BAZ1A: variants seen among roughly 807,000 people sequenced by gnomAD.
BAZ1A encodes the protein bromodomain adjacent to zinc finger domain 1A.
BAZ1A carries 50 observed loss-of-function variants against 185.2 expected under a neutral mutation model. The observed-to-expected ratio is 0.27, with a 90% CI of 0.22 to 0.34. The LOEUF is 0.34. Among genes scored for constraint, BAZ1A ranks in the 10% least tolerant of loss-of-function variants. The pLI, the probability that BAZ1A is intolerant of heterozygous loss-of-function variation, is 1.00. For missense variants in BAZ1A, 1,356 were observed against 1,839.9 expected, an observed-to-expected ratio of 0.74 and a Z score of 4.81; for synonymous variants, 571 against 615.6, an observed-to-expected ratio of 0.93 and a Z score of 1.07.
At chr14:34,783,599 T>C (rs1880198178) in intron 15 of BAZ1A, among the ~76,000 whole-genome samples, 163 bp downstream of exon 15, 1 of 152,172 alleles carries the variant, frequency 6.6e-6, no homozygotes, top group African/African-American at 2.4e-5. Flanking sequence ...AGTGCTGGGA[T>C]TGCAGGCGTG....
In BAZ1A at chr14:34,753,420, A is replaced by G. The variant is rs748301218; in HGVS notation, c.*88T>C. 6.8e-6 allele frequency: 9 copies of G among 1,326,770 alleles called. No individual in the cohort carries two copies. The highest frequency in any genetic ancestry group is 9.6e-6 in the Non-Finnish European group (9 of 942,070). The allele number at this position is 1,326,770 out of a possible 1,614,324, so 82.2% of individuals were successfully genotyped here. The stretch of plus-strand genomic sequence containing the variant: ...GGCCACACTTTCATGTGGTCAATCA[A>G]TTGTTATTGCTTTATACAGCATGAT... On this transcript the variant is annotated 3_prime_UTR_variant, in exon 27 of 27. Transcript: ENST00000360310.
In BAZ1A at chr14:34,874,188, G is replaced by T. The variant is rs375604372; in HGVS notation, c.113+304C>A. On this transcript the variant is annotated intron_variant, in intron 2 of 26. Transcript: ENST00000360310. The surrounding 1 kb of genome is among the most constrained non-coding windows in gnomAD (Gnocchi z 4.7). The stretch of plus-strand genomic sequence containing the variant: ...GGGAGGGGCGAGGCGGGGAGTTTCC[G>T]CCGCCCCGCGGCCAAGAGGGCGGGA... 1.3e-5 allele frequency among the ~76,000 whole-genome samples: 2 copies of T among 152,000 alleles called. No individual in the cohort carries two copies. The highest frequency in any genetic ancestry group is 2.9e-5 in the Non-Finnish European group (2 of 67,898).
intron 4 of BAZ1A, among the ~76,000 whole-genome samples, chr14:34,822,244 G>C (rs1225900529): frequency 6.6e-6 from 1 of 152,156 alleles, no homozygotes; most frequent in Non-Finnish European, 1.5e-5. Flanking sequence ...GCAGTGAGCT[G>C]AGATTCACCA....
chr14:34,807,175 C>T (rs905022093), intron 6 of BAZ1A, among the ~76,000 whole-genome samples: 2 of 150,862 alleles, frequency 1.3e-5, no homozygotes, highest in Admixed American at 1.3e-4. Context: ...GCTATAGTTG[C>T]CCCACCTGAT....
chr14:34,792,013 T>A (rs1228196134), intron 12 of BAZ1A, among the ~76,000 whole-genome samples: 3 of 152,222 alleles, frequency 2.0e-5, no homozygotes, highest in African/African-American at 4.8e-5. Flanking sequence ...AAATTTTATT[T>A]AACTCTGATG....
intron 21 of BAZ1A, 107 bp from the exon 22 acceptor site, chr14:34,765,375 T>C (rs934848911): frequency 6.7e-5 from 90 of 1,351,992 alleles, no homozygotes; most frequent in Non-Finnish European, 9.0e-5. Context: ...ACATTTCTTT[T>C]CTTCTGATAC....
At chr14:34,808,649 C>T (rs1043717702) in intron 5 of BAZ1A, among the ~76,000 whole-genome samples, 1 of 152,136 alleles carries the variant, frequency 6.6e-6, no homozygotes, top group East Asian at 1.9e-4. Flanking sequence ...ATTTAAATCT[C>T]ATGACAACCA....
At chr14:34,774,599 T>C in intron 18 of BAZ1A, 109 bp from the exon 19 acceptor site, 2 of 898,262 alleles carry the variant, frequency 2.2e-6, no homozygotes, top group Non-Finnish European at 1.6e-6. Context: ...GCTTTGTAAA[T>C]CCTCAAGTGC....
intron 20 of BAZ1A, among the ~76,000 whole-genome samples, chr14:34,772,541 T>C (rs1879295213): frequency 6.6e-6 from 1 of 152,164 alleles, no homozygotes; most frequent in African/African-American, 2.4e-5. Context: ...GCATATAATA[T>C]CCAAAATAAT....
In BAZ1A at chr14:34,773,648, C is replaced by A. The variant is rs774811292; in HGVS notation, c.3076G>T (p.Gly1026Trp). The A allele has an allele frequency of 6.8e-6, 11 of 1,613,384 alleles. No homozygotes were observed. The South Asian group carries it at 1.1e-4, about 16-fold the overall frequency. ...TCTTCATTCACAGTTTTAATTATCC[C>A]ATTTTCCTTGTTTTCCTCACTTAAC... is the stretch of plus-strand genomic sequence containing the variant. ...ELLSEENKEN[G>W]IIKTVNEDVE... The change falls in exon 20 of 27, where the codon GGG becomes TGG. Residue 1026 changes from glycine to tryptophan, a missense_variant. Gly to Trp is a radical substitution (Grantham distance 184). Around this residue, in one of 7 missense-constraint regions of BAZ1A, gnomAD observed 434 missense variants for 561.7 expected, o/e 0.77. Coordinates refer to ENST00000360310, the MANE Select transcript of BAZ1A (RefSeq NM_013448.3).
chr14:34,812,229 G>A (rs767742166), intron 4 of BAZ1A, among the ~76,000 whole-genome samples: 3 of 151,590 alleles, frequency 2.0e-5, no homozygotes, highest in South Asian at 2.1e-4. Context: ...GAGATCTGGG[G>A]GGGGAGGGGA....
chr14:34,832,793 T>C (rs1412245485), intron 3 of BAZ1A, among the ~76,000 whole-genome samples: 1 of 152,116 alleles, frequency 6.6e-6, no homozygotes, highest in Non-Finnish European at 1.5e-5. Context: ...AATTATCATA[T>C]AGCCCAGTAA....
At chr14:34,872,525 C>T (rs1394017398) in intron 2 of BAZ1A, among the ~76,000 whole-genome samples, 1 of 152,026 alleles carries the variant, frequency 6.6e-6, no homozygotes, top group African/African-American at 2.4e-5. Flanking sequence ...TGTTTGAGCC[C>T]ACGAGGTGGA....
chr14:34,806,693 C>T (rs1881873095), intron 6 of BAZ1A, among the ~76,000 whole-genome samples: 1 of 152,028 alleles, frequency 6.6e-6, no homozygotes. Context: ...TGGTTATAGA[C>T]AAAATATAAT....
At chr14:34,792,983 A>C in intron 11 of BAZ1A, 62 bp from the exon 12 acceptor site, 1 of 1,426,482 alleles carries the variant, frequency 7.0e-7, no homozygotes, top group Non-Finnish European at 9.5e-7. Flanking sequence ...AAACAACTCC[A>C]CTGGAATAAA....
At position 34,862,927 on chromosome 14, in the gene BAZ1A, A is replaced by C. The variant is rs191681061; in HGVS notation, c.114-605T>G. 5.3e-5 allele frequency among the ~76,000 whole-genome samples: 8 copies of C among 151,438 alleles called. No individual in the cohort carries two copies. In the East Asian group the frequency reaches 1.5e-3, roughly 29 times the overall value. ...GAACCATTCTATTCAGTGCTCTTCT[A>C]TTCTGCTGGAATTCCTTAATACGCG... On this transcript the variant is annotated intron_variant, in intron 2 of 26. Coordinates refer to ENST00000360310, the MANE Select transcript of BAZ1A (RefSeq NM_013448.3).
At chr14:34,867,265 A>T (rs1244867750) in intron 2 of BAZ1A, among the ~76,000 whole-genome samples, 1 of 152,182 alleles carries the variant, frequency 6.6e-6, no homozygotes, top group Non-Finnish European at 1.5e-5. Context: ...TCTCAAACAA[A>T]AAAAAGAAAA....
chr14:34,866,327 C>T (rs569534044), intron 2 of BAZ1A, among the ~76,000 whole-genome samples: 21 of 150,392 alleles, frequency 1.4e-4, no homozygotes, highest in Non-Finnish European at 3.0e-4. Context: ...CTACTAAAAA[C>T]GGAAAAATTA....
chr14:34,754,914 C>A lies in BAZ1A; in HGVS notation c.4387G>T (p.Val1463Phe). 6.3e-7 allele frequency: 1 copy of A among 1,575,660 alleles called. No individual in the cohort carries two copies. Among genetic ancestry groups the A allele is most frequent in the Non-Finnish European group, 8.6e-7 (1 of 1,164,520 alleles). ...TTGATGATGTCATAGTAGTCTGGGA[C>A]CTGTAAAATAATTCAAATATCTCTG... ...PFLKLVSKIQ[V>F]PDYYDIIKKP... The change falls in exon 26 of 27, where the codon GTC becomes TTC. Residue 1463 changes from valine to phenylalanine, a missense_variant and splice_region_variant. Transcript: ENST00000360310.
Sources: gnomAD v4.1 joint callset for allele counts (sites outside exome capture counted in the v4.1 genomes callset) on GRCh38, gnomAD v4.1.1 for gene constraint, gnomAD v4.1.1 regional missense constraint, Gnocchi (gnomAD v3.1) non-coding constraint, MANE v1.5 for transcripts, NCBI Gene and HGNC (gene_info 2026-07-23, HGNC 2026-07-21) for gene names.